The following MDN1 variants were observed in gnomAD, a reference collection of about 807,000 sequenced individuals.
The protein encoded by MDN1 is midasin.
A neutral mutation model predicts 669.2 loss-of-function variants in MDN1; 266 were observed. The observed-to-expected ratio is 0.40, with a 90% confidence interval of 0.36 to 0.44. MDN1 has a LOEUF of 0.44. MDN1 is among the 20% of genes least tolerant of loss of function. The pLI, the probability that MDN1 is intolerant of heterozygous loss-of-function variation, is 1.00. For missense variants in MDN1, 5,940 were observed against 6,754.0 expected, an observed-to-expected ratio of 0.88 and a Z score of 4.22; for synonymous variants, 2,385 against 2,457.1, an observed-to-expected ratio of 0.97 and a Z score of 0.87.
At chr6:89,707,289 A>G (rs1029890658) in intron 52 of MDN1, 72 bp downstream of exon 52, 3 of 1,064,212 alleles carry the variant, frequency 2.8e-6, no homozygotes, top group Non-Finnish European at 4.4e-6. Context: ...GCTGCTGAAT[A>G]TGCCTCTCAA....
intron 11 of MDN1, among the ~76,000 whole-genome samples, chr6:89,777,087 G>A (rs1818394181): frequency 6.6e-6 from 1 of 152,170 alleles, no homozygotes; most frequent in Non-Finnish European, 1.5e-5. Context: ...GAAACACTAG[G>A]TGTGCAATAC....
intron 33 of MDN1, among the ~76,000 whole-genome samples, chr6:89,737,687 G>A (rs543694853): frequency 9.3e-5 from 14 of 150,008 alleles, no homozygotes; most frequent in South Asian, 6.3e-4. Context: ...GGAGTCTGTC[G>A]CCCAGGCTGG....
chr6:89,728,205 G>GGCT (rs1463584925), intron 36 of MDN1, among the ~76,000 whole-genome samples: 1 of 151,530 alleles, frequency 6.6e-6, no homozygotes, highest in Non-Finnish European at 1.5e-5. Context: ...TCTCAACATT[G>GGCT]GCTGTACTTG....
chr6:89,782,072 CACCT>C (rs1818701870), intron 9 of MDN1, among the ~76,000 whole-genome samples: 1 of 152,152 alleles, frequency 6.6e-6, no homozygotes, highest in Admixed American at 6.6e-5. Context: ...TGTTCCCACC[CACCT>C]ATTTCACTCA....
At chr6:89,663,831 A>G (rs1809985342) in intron 85 of MDN1, among the ~76,000 whole-genome samples, 1 of 151,878 alleles carries the variant, frequency 6.6e-6, no homozygotes, top group African/African-American at 2.4e-5. Context: ...AGTCCCAGCT[A>G]CTCAGGATGC....
At chr6:89,795,035 G>A (rs1819505850) in intron 2 of MDN1, among the ~76,000 whole-genome samples, 1 of 152,184 alleles carries the variant, frequency 6.6e-6, no homozygotes, top group East Asian at 1.9e-4. Context: ...AATGAATGCT[G>A]AATCTACTTA....
rs753549140 is a variant in MDN1, at chr6:89,677,684, C to T, written c.12425G>A (p.Arg4142His). Reference sequence around the variant, plus strand: ...TGAACGGGCCCAAGCAAGACCTTTGCGATACGACAAACCTAGGAAATAAAC... The same window carrying T: ...TGAACGGGCCCAAGCAAGACCTTTGTGATACGACAAACCTAGGAAATAAAC... ...KHLAKIGLSYRKGLAWARSKN... is the reference protein window; with the variant it reads ...KHLAKIGLSYHKGLAWARSKN... Residue 4142 changes from arginine (R) to histidine (H), a missense_variant, in exon 76 of 102, where the codon CGC becomes CAC. Physicochemically the swap from Arg to His is conservative, Grantham distance 29 (BLOSUM62 0). Coordinates refer to ENST00000369393, the MANE Select transcript of MDN1 (RefSeq NM_014611.3). The T allele has an allele frequency of 1.7e-5, 28 of 1,613,886 alleles. No homozygotes were observed. Among genetic ancestry groups the T allele is most frequent in the East Asian group, 2.2e-5 (1 of 44,882 alleles).
At chr6:89,762,593 T>C (rs1817612219) in intron 15 of MDN1, 63 bp from the exon 16 acceptor site, 1 of 1,288,372 alleles carries the variant, frequency 7.8e-7, no homozygotes, top group Non-Finnish European at 1.1e-6. Context: ...TTAGAAAGCA[T>C]GGCTCAGAAA....
chr6:89,703,732 G>A (rs1813327427), intron 53 of MDN1, among the ~76,000 whole-genome samples: 1 of 152,086 alleles, frequency 6.6e-6, no homozygotes, highest in Non-Finnish European at 1.5e-5. Context: ...CAATTGAGAG[G>A]CCAGGTGCGG....
rs1348149772 is a variant in MDN1, at chr6:89,658,889, T to A, written c.14742A>T (p.Lys4914Asn). Residue 4914 changes from lysine to asparagine, a missense_variant, in exon 89 of 102, where the codon AAA (lysine) becomes AAT (asparagine). By Grantham distance (94) the Lys-to-Asn change is moderately conservative. This residue lies in a region of MDN1 where 2,280 missense variants were observed against 2,576.3 expected (regional missense o/e 0.88). Coordinates refer to ENST00000369393, the MANE Select transcript of MDN1 (RefSeq NM_014611.3). ...EEENPLEIKE[K>N]PEEAGHEAEE... ...CAGCTTCATGACCTGCTTCTTCTGG[T>A]TTTTCTTTTATCTCCAAAGGATTCT... 6.2e-7 allele frequency: 1 copy of A among 1,612,368 alleles called. No homozygotes were observed. The highest frequency in any genetic ancestry group is 1.7e-5 in the Admixed American group (1 of 59,486).
At position 89,804,371 on chromosome 6, in the gene MDN1, A is replaced by G. The variant is rs536709501; in HGVS notation, c.103-817T>C. On this transcript the variant is annotated intron_variant, in intron 1 of 101. Coordinates refer to ENST00000369393, the MANE Select transcript of MDN1 (RefSeq NM_014611.3). ...AATGGAGGATCAGAGTTAATTTAAT[A>G]TAAAGGCTGTTACAAATAAGTTTCA... Among the ~76,000 whole-genome samples, 177 of 152,300 alleles carry G rather than the reference A, an allele frequency of 1.2e-3. No homozygotes were observed. In the South Asian group the frequency reaches 0.014, roughly 12 times the overall value.
Position 89,754,248 on chromosome 6 carries a change from G to T in MDN1, c.2817-18C>A. ...TGTAGAAGCTACAAATAGAATAAAG[G>T]TCAGGCAATTTTATTTACTAATAAG... is the stretch of plus-strand genomic sequence containing the variant. On this transcript the variant is annotated intron_variant, in intron 20 of 101. Transcript: ENST00000369393. The T allele has an allele frequency of 6.2e-7, 1 of 1,605,872 alleles. No individual in the cohort carries two copies.
chr6:89,812,536 G>T (rs1768501601), intron 1 of MDN1, among the ~76,000 whole-genome samples: 1 of 152,070 alleles, frequency 6.6e-6, no homozygotes, highest in African/African-American at 2.4e-5. Context: ...CTTCATATTT[G>T]TATGTCTGTA....
chr6:89,701,805 A>T, intron 54 of MDN1, 99 bp downstream of exon 54: 1 of 1,521,654 alleles, frequency 6.6e-7, no homozygotes, highest in Non-Finnish European at 8.8e-7. Flanking sequence ...CCAAGGGAAT[A>T]AACCAAAATA....
At position 89,665,902 on chromosome 6, in the gene MDN1, T is replaced by C. The variant is rs148531809; in HGVS notation, c.14095-1274A>G. On this transcript the variant is annotated intron_variant, in intron 84 of 101. Transcript: ENST00000369393. ...TAAAAATACAAAAATTACCCTGGCA[T>C]TGTGGCGTGCGCCTGTAATCCCAGC... is the stretch of plus-strand genomic sequence containing the variant. Among the ~76,000 whole-genome samples the C allele has an allele frequency of 2.8e-3, 422 of 152,154 alleles. 1 individual carries two copies. Among genetic ancestry groups the C allele is most frequent in the African/African-American group, 9.7e-3 (401 of 41,518 alleles).
chr6:89,774,238 A>T (rs1391334064), intron 13 of MDN1, among the ~76,000 whole-genome samples: 3 of 152,224 alleles, frequency 2.0e-5, no homozygotes, highest in African/African-American at 7.2e-5. Context: ...CTTAGTACAA[A>T]GTCAGACATG....
Position 89,654,154 on chromosome 6 carries a change from C to T in MDN1, c.15661+10G>A, listed in dbSNP as rs1229599224. The T allele has an allele frequency of 3.1e-6, 5 of 1,613,806 alleles. No individual in the cohort carries two copies. The Admixed American group carries it at 8.3e-5, about 27-fold the overall frequency. ...CGCCTGGGAAGGGTTTGTTCACTAG[C>T]AGGACTCACCCAAGGGTGCTGTGGT... is the stretch of plus-strand genomic sequence containing the variant. On this transcript the variant is annotated intron_variant, in intron 93 of 101. Transcript: ENST00000369393.
In MDN1 at chr6:89,662,157, TC is replaced by T; in HGVS notation, c.14494del (p.Glu4832LysfsTer22). On this transcript the variant is annotated frameshift_variant, in exon 87 of 102. Coordinates refer to ENST00000369393, the MANE Select transcript of MDN1 (RefSeq NM_014611.3). LOFTEE classifies it high-confidence loss of function. Reference sequence around the variant, plus strand: ...ATCAGCTTCTGCTTCTTCCTTTTCTTCCTTCTTATCTTGCTGGCTTTTATCT... The same window carrying T: ...ATCAGCTTCTGCTTCTTCCTTTTCTTCTTCTTATCTTGCTGGCTTTTATCT... ...NKDKSQQDKK[E>X]EKEEAEADDG... The T allele has an allele frequency of 6.2e-7, 1 of 1,614,100 alleles. No homozygotes were observed. The highest frequency in any genetic ancestry group is 8.5e-7 in the Non-Finnish European group (1 of 1,180,014).
chr6:89,680,446 T>C, intron 74 of MDN1, 143 bp downstream of exon 74: 5 of 967,620 alleles, frequency 5.2e-6, no homozygotes, highest in Non-Finnish European at 7.3e-6. Context: ...GCTCTGTGGG[T>C]TTTTAAGCCC....
Sources: allele counts gnomAD v4.1 joint callset (sites outside exome capture counted in the v4.1 genomes callset), GRCh38; gene constraint gnomAD v4.1.1; regional missense constraint gnomAD v4.1.1; transcripts MANE v1.5; gene names NCBI Gene and HGNC (gene_info 2026-07-23, HGNC 2026-07-21).